The following CFAP46 variants were observed in gnomAD, a reference collection of about 807,000 sequenced individuals.
CFAP46 encodes cilia and flagella associated protein 46.
Under a neutral mutation model 325.7 loss-of-function variants are expected in CFAP46, and 245 were observed. The ratio of observed to expected loss-of-function variants is 0.75; its 90% confidence interval spans 0.68 to 0.84. The LOEUF is 0.84. Among genes scored for constraint, CFAP46 ranks in the 40% least tolerant of loss-of-function variants. The pLI is 0.00. For synonymous variants in CFAP46, 1,523 were observed against 1,495.9 expected, an observed-to-expected ratio of 1.02 and a Z score of -0.42; for missense variants, 3,346 against 3,543.0, an observed-to-expected ratio of 0.94 and a Z score of 1.41.
chr10:132,843,053 C>G (rs1848369380), intron 44 of CFAP46, among the ~76,000 whole-genome samples: 1 of 152,240 alleles, frequency 6.6e-6, no homozygotes, highest in South Asian at 2.1e-4. Flanking sequence ...CTGTCTTTTC[C>G]AATGTCCCCC....
Position 132,878,057 on chromosome 10 carries a change from G to A in CFAP46, c.4036C>T (p.Leu1346=), listed in dbSNP as rs1286511661. Residue 1346 remains leucine, a synonymous_variant, in exon 30 of 58, where the codon CTG becomes TTG. Transcript: ENST00000368586. ...GTTGCTGCCAGGGGTCTGTTTTCCA[G>A]AACTGATTTTCCTGCTGTCATCAAA... The part of the protein sequence containing the change: ...VSLMTAGKSV[L]ENRPLAATSS... 1 of 1,547,374 alleles carries A rather than the reference G, an allele frequency of 6.5e-7. No individual in the cohort carries two copies.
chr10:132,857,793 A>C lies in CFAP46; in HGVS notation c.5376-5T>G. 6.6e-7 allele frequency: 1 copy of C among 1,509,368 alleles called. No individual in the cohort carries two copies. The highest frequency in any genetic ancestry group is 1.4e-5 in the African/African-American group (1 of 70,630). The allele number at this position is 1,509,368 out of a possible 1,614,324, so 93.5% of individuals were successfully genotyped here. A position where few individuals can be genotyped will look rare whatever the true frequency, so the allele number is the denominator to read the frequency against. ...TTCTCGTTCTGGGCACGTAACCTTT[A>C]TAAGACATAAGAATGGAATTTTAAA... is the stretch of plus-strand genomic sequence containing the variant. On this transcript the variant is annotated splice_region_variant and splice_polypyrimidine_tract_variant and intron_variant, in intron 38 of 57. Coordinates refer to ENST00000368586, the MANE Select transcript of CFAP46 (RefSeq NM_001200049.3).
At chr10:132,846,026 G>C in intron 44 of CFAP46, 31 bp downstream of exon 44, 25 of 1,586,834 alleles carry the variant, frequency 1.6e-5, no homozygotes, top group Non-Finnish European at 2.0e-5. Flanking sequence ...CAGAGCTGGG[G>C]GCAGGTTCAG....
chr10:132,838,127 G>C (rs919206765), intron 44 of CFAP46, among the ~76,000 whole-genome samples: 1 of 152,220 alleles, frequency 6.6e-6, no homozygotes, highest in African/African-American at 2.4e-5. Flanking sequence ...CGGCCCGTCC[G>C]CTCCCGTGGA....
intron 7 of CFAP46, among the ~76,000 whole-genome samples, chr10:132,936,621 T>C (rs1167695028): frequency 2.4e-5 from 3 of 126,218 alleles, no homozygotes; most frequent in African/African-American, 5.9e-5. Context: ...CCCCTTGGCA[T>C]CCAAACACAC....
Position 132,850,401 on chromosome 10 carries a change from T to C in CFAP46, c.5795A>G (p.His1932Arg). Residue 1932 changes from histidine to arginine, a missense_variant, in exon 41 of 58, where the codon CAC becomes CGC. Physicochemically the swap from His to Arg is conservative, Grantham distance 29 (BLOSUM62 0). Transcript: ENST00000368586. ...QWFTLKRTLAHGALAQLGSLQ... is the reference protein window; with the variant it reads ...QWFTLKRTLARGALAQLGSLQ... ...GCTCCCCAGCTGTGCCAGTGCCCCG[T>C]GTGCTAGAGTCCGCTTCAGCGTGAA... The C allele has an allele frequency of 6.3e-7, 1 of 1,579,746 alleles. No individual in the cohort carries two copies. Among genetic ancestry groups the C allele is most frequent in the Non-Finnish European group, 8.6e-7 (1 of 1,162,228 alleles).
intron 13 of CFAP46, among the ~76,000 whole-genome samples, chr10:132,921,044 C>T (rs1351690218): frequency 1.3e-5 from 2 of 152,248 alleles, no homozygotes; most frequent in Non-Finnish European, 2.9e-5. Flanking sequence ...CAGCCCCTTC[C>T]CGCTCCAAGA....
chr10:132,937,529 C>T, intron 6 of CFAP46, 23 bp downstream of exon 6: 1 of 1,612,828 alleles, frequency 6.2e-7, no homozygotes, highest in South Asian at 1.1e-5. Context: ...TCTTACGTCT[C>T]TATTTCTAAT....
intron 4 of CFAP46, among the ~76,000 whole-genome samples, chr10:132,938,999 C>T (rs531766986): frequency 6.6e-6 from 1 of 152,284 alleles, no homozygotes; most frequent in South Asian, 2.1e-4. Context: ...AGCGCAGGCC[C>T]GGCTGTGATG....
At chr10:132,917,516 G>C (rs913332503) in intron 16 of CFAP46, among the ~76,000 whole-genome samples, 1 of 152,232 alleles carries the variant, frequency 6.6e-6, no homozygotes, top group African/African-American at 2.4e-5. Flanking sequence ...AGGGACCCTG[G>C]ACATCACGCC....
chr10:132,855,140 G>A (rs1848622021), intron 39 of CFAP46, among the ~76,000 whole-genome samples: 1 of 142,596 alleles, frequency 7.0e-6, no homozygotes, highest in Admixed American at 7.2e-5. Flanking sequence ...GACTGTAATT[G>A]TAGAGTTGTC....
intron 32 of CFAP46, among the ~76,000 whole-genome samples, chr10:132,870,157 C>A (rs573187844): frequency 5.3e-5 from 8 of 152,238 alleles, no homozygotes; most frequent in African/African-American, 1.9e-4. Flanking sequence ...TGTTTTGGGG[C>A]ACCATCAGCC....
rs749126926 is a variant in CFAP46, at chr10:132,814,766, T to C, written c.7189-20A>G. The C allele has an allele frequency of 2.1e-5, 34 of 1,613,458 alleles. No homozygotes were observed. Among genetic ancestry groups the C allele is most frequent in the Non-Finnish European group, 2.7e-5 (32 of 1,179,714 alleles). ...GCTGCCCTGCAACCACAGACCAGGG[T>C]CAGCAGGTGCAGGGGCCAGGAGCCT... On this transcript the variant is annotated intron_variant, in intron 51 of 57. Transcript: ENST00000368586.
chr10:132,875,697 C>T (rs140173362), intron 31 of CFAP46, among the ~76,000 whole-genome samples: 1 of 152,294 alleles, frequency 6.6e-6, no homozygotes, highest in Non-Finnish European at 1.5e-5. Context: ...TGACCCCTAC[C>T]TCACACCACA....
intron 35 of CFAP46, among the ~76,000 whole-genome samples, chr10:132,864,675 CGAGACCTGCACACACCTGTCCCCCTGCCT>C (rs1848785895): frequency 8.8e-6 from 1 of 113,278 alleles, no homozygotes. Context: ...CCCCAGTGCC[CGAGACCTGCACACACCTGTCCCCCTGCCT>C]GAGACCTGCA....
intron 50 of CFAP46, among the ~76,000 whole-genome samples, chr10:132,822,183 GA>G (rs62650584): frequency 1.5e-4 from 20 of 130,194 alleles, no homozygotes; most frequent in Admixed American, 2.2e-4. Flanking sequence ...GATGTGTGCT[GA>G]TGTGTGCACT....
chr10:132,935,763 C>A (rs1849990600), intron 7 of CFAP46, among the ~76,000 whole-genome samples: 1 of 124,352 alleles, frequency 8.0e-6, no homozygotes. Flanking sequence ...GCCCTCAGCA[C>A]CCAAACACAC....
intron 32 of CFAP46, among the ~76,000 whole-genome samples, chr10:132,870,726 G>A (rs758970216): frequency 3.3e-5 from 5 of 152,332 alleles, no homozygotes; most frequent in Middle Eastern, 3.4e-3. Flanking sequence ...AGGTGGGCTC[G>A]TGAGGTTTCT....
chr10:132,833,839 A>C (rs982183062), intron 49 of CFAP46, among the ~76,000 whole-genome samples: 1 of 152,162 alleles, frequency 6.6e-6, no homozygotes, highest in Admixed American at 6.5e-5. Flanking sequence ...CCTCCTACCC[A>C]GAGGGCTGGT....
Sources: allele counts gnomAD v4.1 joint callset (sites outside exome capture counted in the v4.1 genomes callset), GRCh38; gene constraint gnomAD v4.1.1; transcripts MANE v1.5; gene names NCBI Gene and HGNC (gene_info 2026-07-23, HGNC 2026-07-21).